Variants in SHCBP1 observed in about 807,000 individuals in gnomAD.
SHCBP1 encodes the protein SHC SH2 domain-binding protein 1.
A neutral mutation model predicts 75.1 loss-of-function variants in SHCBP1; 60 were observed. That is an observed-to-expected ratio of 0.80 (90% CI 0.65 to 0.99). The LOEUF is 0.99. SHCBP1 is among the 50% of genes least tolerant of loss of function. The pLI, the probability that SHCBP1 is intolerant of heterozygous loss-of-function variation, is 0.00. For synonymous variants in SHCBP1, 290 were observed against 293.2 expected (o/e 0.99, Z 0.11); for missense variants, 709 against 809.4 (o/e 0.88, Z 1.50).
At chr16:46,593,136 G>GA (rs200694718) in intron 10 of SHCBP1, among the ~76,000 whole-genome samples, 3,353 of 151,388 alleles carry the variant, frequency 0.022, 127 homozygotes, top group African/African-American at 0.077. Flanking sequence ...GGCAAGGGGG[G>GA]AAAAAGGCAT....
rs1339790328 is a variant in SHCBP1, at chr16:46,580,462, G to A, written c.*1267C>T. 6.6e-6 allele frequency: 1 copy of A among 152,090 alleles called. No homozygotes were observed. Among genetic ancestry groups the A allele is most frequent in the Non-Finnish European group, 1.5e-5 (1 of 68,016 alleles). 9.4% of individuals were successfully genotyped at this position (152,090 alleles called of 1,614,324 possible). A position where few individuals can be genotyped will look rare whatever the true frequency, so the allele number is the denominator to read the frequency against. On this transcript the variant is annotated 3_prime_UTR_variant, in exon 13 of 13. Transcript: ENST00000303383. ...ATACTCTTTCTAAAGCATGAAAACAGATACCAAAATACCATGTATTCTTAA... is the reference window on the plus strand; with the variant it reads ...ATACTCTTTCTAAAGCATGAAAACAAATACCAAAATACCATGTATTCTTAA...
chr16:46,587,255 T>A (rs1596670230), intron 10 of SHCBP1, among the ~76,000 whole-genome samples: 1 of 152,156 alleles, frequency 6.6e-6, no homozygotes, highest in East Asian at 1.9e-4. Flanking sequence ...TATGTACATA[T>A]AATATACAAC....
In SHCBP1 at chr16:46,621,346, G is replaced by T. The variant is rs774802723; in HGVS notation, c.14C>A (p.Ser5Ter). The part of the protein sequence containing the change: MADG[S>*]LTGGGLEAAA... ...TGCCTCCAGACCGCCGCCCGTCAGC[G>T]ACCCGTCAGCCATTTCAAATTTCCG... The change falls in exon 1 of 13, where the codon TCG becomes TAG. Residue 5 changes from serine to a stop codon, truncating the protein, a stop_gained. Coordinates refer to ENST00000303383, the MANE Select transcript of SHCBP1 (RefSeq NM_024745.5). LOFTEE classifies it high-confidence loss of function. 2.5e-5 allele frequency: 41 copies of T among 1,611,060 alleles called. No homozygotes were observed. The highest frequency in any genetic ancestry group is 3.1e-5 in the Non-Finnish European group (37 of 1,179,084).
At chr16:46,592,893 G>C (rs2142998778) in intron 10 of SHCBP1, among the ~76,000 whole-genome samples, 1 of 108,550 alleles carries the variant, frequency 9.2e-6, no homozygotes, top group African/African-American at 3.5e-5. Context: ...AGTCAGCCTA[G>C]TCCTGAGAAA....
Position 46,618,261 on chromosome 16 carries a change from T to C in SHCBP1, c.215A>G (p.Gln72Arg), listed in dbSNP as rs1184650492. Residue 72 changes from glutamine to arginine, a missense_variant, in exon 2 of 13, where the codon CAA becomes CGA. Physicochemically the swap from Gln to Arg is conservative, Grantham distance 43. Coordinates refer to ENST00000303383, the MANE Select transcript of SHCBP1 (RefSeq NM_024745.5). ...EGKTFFPEIF[Q>R]TNQLLFYERF... ...CTCATAGAACAAAAGTTGATTTGTT[T>C]GGAAAATTTCTGGGAAAAAGGTTTT... 1.9e-6 allele frequency: 3 copies of C among 1,613,548 alleles called. No individual in the cohort carries two copies. Among genetic ancestry groups the C allele is most frequent in the African/African-American group, 2.7e-5 (2 of 74,872 alleles).
Position 46,603,994 on chromosome 16 carries a change from T to C in SHCBP1, c.1073A>G (p.Glu358Gly). The C allele has an allele frequency of 1.9e-6, 3 of 1,609,388 alleles. No individual in the cohort carries two copies. Among genetic ancestry groups the C allele is most frequent in the Non-Finnish European group, 2.5e-6 (3 of 1,178,952 alleles). The part of the protein sequence containing the change: ...LTDRLCQEPG[E>G]EEREIQFHSD... ...GTTTACCTGAATTTCTCTTTCTTCC[T>C]CACCAGGCTCCTGGCAAAGCCTGTC... Residue 358 changes from glutamate (E) to glycine (G), a missense_variant, in exon 7 of 13, where the codon GAG (glutamate) becomes GGG (glycine). Transcript: ENST00000303383.
In SHCBP1 at chr16:46,581,550, T is replaced by C. The variant is rs1964870346; in HGVS notation, c.*179A>G. 1.4e-5 allele frequency: 8 copies of C among 571,806 alleles called. No individual in the cohort carries two copies. In the South Asian group the frequency reaches 1.8e-4, roughly 13 times the overall value. 35.4% of individuals were successfully genotyped at this position (571,806 alleles called of 1,614,324 possible). A position where few individuals can be genotyped will look rare whatever the true frequency, so the allele number is the denominator to read the frequency against. On this transcript the variant is annotated 3_prime_UTR_variant, in exon 13 of 13. Coordinates refer to ENST00000303383, the MANE Select transcript of SHCBP1 (RefSeq NM_024745.5). ...ATTTTATATGCATTTATGATTTTTC[T>C]TATAAAGAGGGAGTGTTTTATGTGC...
In SHCBP1 at chr16:46,603,989, C is replaced by A. The variant is rs1311999344; in HGVS notation, c.1078G>T (p.Glu360Ter). Residue 360 changes from glutamate (E) to a stop codon, truncating the protein, a stop_gained, in exon 7 of 13, where the codon GAA becomes TAA. Transcript: ENST00000303383. LOFTEE classifies it high-confidence loss of function. Reference protein sequence around the residue: ...DRLCQEPGEEEREIQFHSDPL... With the variant: ...DRLCQEPGEE Reference sequence around the variant, plus strand: ...TCTCCGTTTACCTGAATTTCTCTTTCTTCCTCACCAGGCTCCTGGCAAAGC... The same window carrying A: ...TCTCCGTTTACCTGAATTTCTCTTTATTCCTCACCAGGCTCCTGGCAAAGC... The A allele has an allele frequency of 6.2e-7, 1 of 1,608,312 alleles. No individual in the cohort carries two copies. The highest frequency in any genetic ancestry group is 8.5e-7 in the Non-Finnish European group (1 of 1,178,654).
In SHCBP1 at chr16:46,599,902, T is replaced by G. The variant is rs1965206180; in HGVS notation, c.1274A>C (p.Asp425Ala). 2 of 1,613,662 alleles carry G rather than the reference T, an allele frequency of 1.2e-6. No individual in the cohort carries two copies. The highest frequency in any genetic ancestry group is 4.5e-5 in the East Asian group (2 of 44,864). Residue 425 changes from aspartate (D) to alanine (A), a missense_variant, in exon 9 of 13, where the codon GAC (aspartate) becomes GCC (alanine). Physicochemically the swap from Asp to Ala is moderately radical, Grantham distance 126. Coordinates refer to ENST00000303383, the MANE Select transcript of SHCBP1 (RefSeq NM_024745.5). ...EKRGKGDTFV[D>A]CTGADIKISG... ...GATTTTAATATCAGCACCAGTGCAG[T>G]CCACAAAAGTGTCGCCTTTGCCCCT...
chr16:46,583,960 C>T, intron 11 of SHCBP1, 43 bp downstream of exon 11: 4 of 1,502,364 alleles, frequency 2.7e-6, no homozygotes, highest in East Asian at 2.3e-5. Flanking sequence ...GTAGGTAAAA[C>T]CATTCTATCC....
chr16:46,600,910 C>T (rs1310580295), intron 8 of SHCBP1, among the ~76,000 whole-genome samples: 2 of 151,568 alleles, frequency 1.3e-5, no homozygotes, highest in Admixed American at 6.6e-5. Context: ...CTCAGGAGGC[C>T]GAGGTGGGAG....
chr16:46,589,324 G>A (rs1965002478), intron 10 of SHCBP1, among the ~76,000 whole-genome samples: 1 of 152,062 alleles, frequency 6.6e-6, no homozygotes, highest in South Asian at 2.1e-4. Context: ...TTCTGGCCAG[G>A]GCAATCAGGC....
intron 10 of SHCBP1, among the ~76,000 whole-genome samples, chr16:46,594,971 G>A (rs1965112439): frequency 6.6e-6 from 1 of 152,320 alleles, no homozygotes; most frequent in East Asian, 1.9e-4. Context: ...ACCACACTAA[G>A]TGAGAAAAGC....
chr16:46,583,908 A>G (rs1964909667), intron 11 of SHCBP1, 95 bp downstream of exon 11: 2 of 1,212,104 alleles, frequency 1.7e-6, no homozygotes, highest in Admixed American at 2.3e-5. Context: ...ATGCTTTTCA[A>G]AACCAGAAAA....
chr16:46,583,964 T>C (rs1455495260), intron 11 of SHCBP1, 39 bp downstream of exon 11: 3 of 1,522,456 alleles, frequency 2.0e-6, no homozygotes, highest in Non-Finnish European at 2.7e-6. Context: ...GTAAAACCAT[T>C]CTATCCATTG....
chr16:46,604,542 A>G, intron 5 of SHCBP1, 81 bp from the exon 6 acceptor site: 1 of 881,472 alleles, frequency 1.1e-6, no homozygotes, highest in Non-Finnish European at 1.8e-6. Flanking sequence ...TTAGCCCTCA[A>G]AGACCCAGTA....
At chr16:46,619,205 ATCTAAT>A (rs1453137247) in intron 1 of SHCBP1, among the ~76,000 whole-genome samples, 1 of 152,234 alleles carries the variant, frequency 6.6e-6, no homozygotes, top group East Asian at 1.9e-4. Flanking sequence ...CCAGTGGCAT[ATCTAAT>A]TCTATGTAAT....
chr16:46,595,449 C>G, intron 10 of SHCBP1, 103 bp downstream of exon 10: 1 of 900,034 alleles, frequency 1.1e-6, no homozygotes. Context: ...AGATGACTGT[C>G]TGAAGAGAGT....
chr16:46,617,149 A>G (rs1461122028), intron 3 of SHCBP1, among the ~76,000 whole-genome samples: 2 of 152,230 alleles, frequency 1.3e-5, no homozygotes, highest in Admixed American at 6.5e-5. Flanking sequence ...CACTGTCAAG[A>G]GATTAACCAC....
Sources: allele counts gnomAD v4.1 joint callset (sites outside exome capture counted in the v4.1 genomes callset), GRCh38; gene constraint gnomAD v4.1.1; transcripts MANE v1.5; gene names NCBI Gene and HGNC (gene_info 2026-07-23, HGNC 2026-07-21).